SYK: variants seen among roughly 807,000 people sequenced by gnomAD.
SYK encodes the protein tyrosine-protein kinase SYK.
SYK carries 16 observed loss-of-function variants against 77.8 expected under a neutral mutation model. That is an observed-to-expected ratio of 0.21 (90% CI 0.14 to 0.31). The LOEUF is 0.31. SYK is among the 10% of genes least tolerant of loss of function. The pLI is 1.00. For missense variants in SYK, 529 were observed against 814.4 expected, an observed-to-expected ratio of 0.65 and a Z score of 4.26; for synonymous variants, 312 against 308.7, an observed-to-expected ratio of 1.01 and a Z score of -0.11.
rs1564120060 is a variant in SYK, at chr9:90,884,214, C to CACACATACACAT, written c.1582-3533_1582-3532insACATACACATAC. Among the ~76,000 whole-genome samples the CACACATACACAT allele has an allele frequency of 2.4e-4, 16 of 65,680 alleles. 1 individual carries two copies. The highest frequency in any genetic ancestry group is 8.4e-4 in the African/African-American group (13 of 15,426). 43.1% of individuals were successfully genotyped at this position (65,680 alleles called of 152,430 possible). On this transcript the variant is annotated intron_variant, in intron 11 of 13. Transcript: ENST00000375754. ...ACACATACACATACGTGTATATATA[C>CACACATACACAT]ACGCATATACACATACACATACGTG... is the stretch of plus-strand genomic sequence containing the variant.
chr9:90,887,479 C>T (rs1408598648), intron 11 of SYK, among the ~76,000 whole-genome samples: 1 of 142,384 alleles, frequency 7.0e-6, no homozygotes, highest in Non-Finnish European at 1.5e-5. Flanking sequence ...GATCTGAGAT[C>T]ACTGCAACCT....
intron 1 of SYK, among the ~76,000 whole-genome samples, chr9:90,817,498 A>G (rs1440715377): frequency 6.6e-6 from 1 of 151,982 alleles, no homozygotes; most frequent in Non-Finnish European, 1.5e-5. Flanking sequence ...ATAATAGCCA[A>G]CATTTCTTTT....
chr9:90,867,077 C>G, intron 6 of SYK, 54 bp from the exon 7 acceptor site: 2 of 1,595,762 alleles, frequency 1.3e-6, no homozygotes, highest in Non-Finnish European at 1.7e-6. Flanking sequence ...GGAAGGGATC[C>G]TGTATTTGTT....
intron 3 of SYK, among the ~76,000 whole-genome samples, chr9:90,851,603 G>A (rs1295597314): frequency 6.6e-6 from 1 of 152,156 alleles, no homozygotes; most frequent in African/African-American, 2.4e-5. Context: ...GTGAGGGTCA[G>A]AGTGCTGCCT....
At chr9:90,885,512 G>A (rs993319753) in intron 11 of SYK, among the ~76,000 whole-genome samples, 1 of 152,144 alleles carries the variant, frequency 6.6e-6, no homozygotes, top group Non-Finnish European at 1.5e-5. Context: ...AAAAGAATGA[G>A]CAAACCCTTC....
Position 90,874,767 on chromosome 9 carries a change from C to T in SYK, c.1099C>T (p.Arg367Ter), listed in dbSNP as rs2118870458. The T allele has an allele frequency of 1.2e-6, 2 of 1,614,006 alleles. No homozygotes were observed. The highest frequency in any genetic ancestry group is 1.7e-6 in the Non-Finnish European group (2 of 1,180,002). Reference sequence around the variant, plus strand: ...CAGGCCCAAGGAGGTTTACCTGGACCGAAAGCTGCTGACGCTGGAAGACAA... The same window carrying T: ...CAGGCCCAAGGAGGTTTACCTGGACTGAAAGCTGCTGACGCTGGAAGACAA... ...EIRPKEVYLD[R>*]KLLTLEDKEL... is the part of the protein sequence containing the mutation. The change falls in exon 9 of 14, where the codon CGA (arginine) becomes TGA (stop). Residue 367 changes from arginine (R) to a stop codon, truncating the protein, a stop_gained. Coordinates refer to ENST00000375754, the MANE Select transcript of SYK (RefSeq NM_003177.7). LOFTEE classifies it high-confidence loss of function.
In SYK at chr9:90,844,114, C is replaced by T. The variant is rs2118633934; in HGVS notation, c.216C>T (p.Gly72=). The change falls in exon 2 of 14, where the codon GGC becomes GGT. Residue 72 remains glycine, a synonymous_variant. Coordinates refer to ENST00000375754, the MANE Select transcript of SYK (RefSeq NM_003177.7). ...ACACCATCGAGCGGGAGCTGAATGG[C>T]ACCTACGCCATCGCCGGTGGCAGGA... ...HHYTIERELN[G]TYAIAGGRTH... 1 of 1,613,502 alleles carries T rather than the reference C, an allele frequency of 6.2e-7. No individual in the cohort carries two copies.
At chr9:90,815,559 T>G (rs1327427459) in intron 1 of SYK, among the ~76,000 whole-genome samples, 1 of 152,232 alleles carries the variant, frequency 6.6e-6, no homozygotes, top group Admixed American at 6.5e-5. Flanking sequence ...TGCAGTCACG[T>G]GCTGCCCTCC....
At chr9:90,840,920 G>A (rs1400771659) in intron 1 of SYK, among the ~76,000 whole-genome samples, 2 of 152,222 alleles carry the variant, frequency 1.3e-5, no homozygotes, top group Non-Finnish European at 2.9e-5. Context: ...GTGTCAGGCT[G>A]ATGCTCTTAC....
At chr9:90,835,930 GA>G (rs1826064487) in intron 1 of SYK, among the ~76,000 whole-genome samples, 1 of 152,066 alleles carries the variant, frequency 6.6e-6, no homozygotes, top group Non-Finnish European at 1.5e-5. Context: ...AAAAATATTG[GA>G]AAAAAGTTTT....
intron 4 of SYK, among the ~76,000 whole-genome samples, chr9:90,862,597 C>T (rs922346735): frequency 3.9e-5 from 6 of 152,190 alleles, no homozygotes; most frequent in Non-Finnish European, 7.3e-5. Context: ...GTCCAGAGGC[C>T]GTCATGTGAG....
In SYK at chr9:90,877,712, C is replaced by T. The variant is rs751574559; in HGVS notation, c.1323C>T (p.Ala441=). The T allele has an allele frequency of 5.0e-6, 8 of 1,614,082 alleles. No homozygotes were observed. The highest frequency in any genetic ancestry group is 2.2e-5 in the East Asian group (1 of 44,900). The change falls in exon 10 of 14, where the codon GCC becomes GCT. Residue 441 remains alanine, a synonymous_variant. Coordinates refer to ENST00000375754, the MANE Select transcript of SYK (RefSeq NM_003177.7). ...TGCGGATGATCGGGATATGCGAGGCCGAGTCCTGGATGCTGGTTATGGAGA... is the reference window on the plus strand; with the variant it reads ...TGCGGATGATCGGGATATGCGAGGCTGAGTCCTGGATGCTGGTTATGGAGA... The part of the protein sequence containing the change: ...YIVRMIGICE[A]ESWMLVMEMA...
intron 11 of SYK, among the ~76,000 whole-genome samples, chr9:90,886,269 AC>A (rs1443582093): frequency 6.6e-6 from 1 of 152,224 alleles, no homozygotes; most frequent in African/African-American, 2.4e-5. Flanking sequence ...ATACCATCTT[AC>A]CCCGGCTAGA....
chr9:90,873,473 C>T (rs1357421265), intron 7 of SYK, among the ~76,000 whole-genome samples: 1 of 152,030 alleles, frequency 6.6e-6, no homozygotes, highest in Non-Finnish European at 1.5e-5. Context: ...AGGGAAAGTC[C>T]TTAGGATAAT....
chr9:90,863,615 A>G (rs971766086), intron 4 of SYK, among the ~76,000 whole-genome samples: 4 of 152,184 alleles, frequency 2.6e-5, no homozygotes, highest in African/African-American at 9.7e-5. Context: ...ATTTGTCATC[A>G]TTAACCACAG....
chr9:90,812,998 G>A (rs1825149902), intron 1 of SYK, among the ~76,000 whole-genome samples: 1 of 152,134 alleles, frequency 6.6e-6, no homozygotes, highest in South Asian at 2.1e-4. Flanking sequence ...GCACTGGTCA[G>A]ATAGCAAAAC....
intron 1 of SYK, among the ~76,000 whole-genome samples, chr9:90,816,806 G>A (rs1484857558): frequency 2.6e-5 from 4 of 152,092 alleles, no homozygotes; most frequent in African/African-American, 7.2e-5. Flanking sequence ...GTTTTTCTGT[G>A]CTTGACTTAT....
chr9:90,846,382 C>T (rs867032536), intron 3 of SYK, among the ~76,000 whole-genome samples: 3 of 152,320 alleles, frequency 2.0e-5, no homozygotes, highest in Middle Eastern at 3.4e-3. Context: ...AGCGATGCAG[C>T]CTCATGGTTT....
intron 11 of SYK, among the ~76,000 whole-genome samples, chr9:90,887,405 C>CTTT (rs3056951): frequency 0.12 from 16,004 of 128,788 alleles, 1,378 homozygotes; most frequent in East Asian, 0.28. Context: ...TTCTTTCTTT[C>CTTT]TTTTTTTTTT....
Sources: allele counts gnomAD v4.1 joint callset (sites outside exome capture counted in the v4.1 genomes callset), GRCh38; gene constraint gnomAD v4.1.1; transcripts MANE v1.5; gene names NCBI Gene and HGNC (gene_info 2026-07-23, HGNC 2026-07-21).